The following NDC1 variants were observed in gnomAD, a reference collection of about 807,000 sequenced individuals.
NDC1 encodes the protein nucleoporin NDC1.
In NDC1, 24 loss-of-function variants were observed where a neutral mutation model predicts 89.8. The ratio of observed to expected loss-of-function variants is 0.27; its 90% CI spans 0.19 to 0.38. The LOEUF (loss-of-function observed/expected upper bound fraction) is 0.38, where lower values mean the gene tolerates loss of function less well. Ranked by LOEUF, NDC1 falls within the 10% of genes least tolerant of loss-of-function variation. NDC1 has a pLI of 1.00. For missense variants in NDC1, 728 were observed against 797.6 expected (o/e 0.91, Z 1.05); for synonymous variants, 296 against 284.8 (o/e 1.04, Z -0.39).
intron 14 of NDC1, 141 bp from the exon 15 acceptor site, chr1:53,789,337 A>G: frequency 1.7e-6 from 1 of 589,756 alleles, no homozygotes. Flanking sequence ...ATTCTTTTAT[A>G]TTTAACTTGA....
At chr1:53,793,877 T>C (rs1647606355) in intron 13 of NDC1, among the ~76,000 whole-genome samples, 1 of 152,016 alleles carries the variant, frequency 6.6e-6, no homozygotes, top group Admixed American at 6.6e-5. Flanking sequence ...AGACTGGAGA[T>C]ATTTTTCAAG....
chr1:53,834,857 C>G (rs540722078), intron 2 of NDC1, among the ~76,000 whole-genome samples: 8 of 152,252 alleles, frequency 5.3e-5, no homozygotes, highest in African/African-American at 1.9e-4. Context: ...CCTGTAATCC[C>G]AGCACTTCGG....
intron 16 of NDC1, 44 bp downstream of exon 16, chr1:53,787,114 G>A (rs1012821297): frequency 2.1e-6 from 2 of 973,306 alleles, no homozygotes; most frequent in Non-Finnish European, 3.2e-6. Flanking sequence ...CTGGGTGGGA[G>A]GGGAAGATGA....
chr1:53,806,066 T>C (rs1005067722), intron 9 of NDC1, among the ~76,000 whole-genome samples: 1 of 151,598 alleles, frequency 6.6e-6, no homozygotes, highest in Non-Finnish European at 1.5e-5. Flanking sequence ...AGAGCGAGAC[T>C]CCGTCTCAAA....
chr1:53,809,878 G>T, intron 6 of NDC1, 132 bp from the exon 7 acceptor site: 1 of 664,278 alleles, frequency 1.5e-6, no homozygotes, highest in Non-Finnish European at 2.7e-6. Flanking sequence ...GACTTATTAG[G>T]AATGAGTAGG....
intron 6 of NDC1, among the ~76,000 whole-genome samples, chr1:53,811,317 C>G (rs1648298981): frequency 6.6e-6 from 1 of 151,876 alleles, no homozygotes; most frequent in Non-Finnish European, 1.5e-5. Flanking sequence ...GTAGACTCCA[C>G]AGGTGGGGCA....
intron 3 of NDC1, among the ~76,000 whole-genome samples, chr1:53,829,084 A>G (rs1648968792): frequency 6.6e-6 from 1 of 152,216 alleles, no homozygotes; most frequent in African/African-American, 2.4e-5. Flanking sequence ...TCTGCAAATG[A>G]GCTAGGGAGG....
At chr1:53,826,203 A>C (rs567754408) in intron 4 of NDC1, among the ~76,000 whole-genome samples, 2 of 152,350 alleles carry the variant, frequency 1.3e-5, no homozygotes, top group Admixed American at 1.3e-4. Context: ...AATAACAAGC[A>C]GTATTGCTTA....
At chr1:53,832,192 C>A (rs1264922985) in intron 3 of NDC1, among the ~76,000 whole-genome samples, 1 of 152,140 alleles carries the variant, frequency 6.6e-6, no homozygotes, top group Non-Finnish European at 1.5e-5. Context: ...CAATTCTCCA[C>A]TCCCCCTCCC....
chr1:53,813,302 G>A (rs540067979), intron 6 of NDC1, among the ~76,000 whole-genome samples: 19 of 152,196 alleles, frequency 1.2e-4, no homozygotes, highest in Admixed American at 1.0e-3. Flanking sequence ...GAATGTAAAT[G>A]GCCTAAATCC....
intron 14 of NDC1, 128 bp from the exon 15 acceptor site, chr1:53,789,324 T>C (rs1444898938): frequency 1.8e-6 from 1 of 560,612 alleles, no homozygotes; most frequent in Non-Finnish European, 3.2e-6. Context: ...AAATTTAAAA[T>C]AAATTCTTTT....
chr1:53,790,936 T>C (rs1183495683), intron 14 of NDC1, among the ~76,000 whole-genome samples: 2 of 152,122 alleles, frequency 1.3e-5, no homozygotes, highest in Non-Finnish European at 2.9e-5. Context: ...GTATAATATG[T>C]TTTTGTTAAC....
chr1:53,833,028 A>G (rs1649115056), intron 2 of NDC1, among the ~76,000 whole-genome samples: 1 of 151,934 alleles, frequency 6.6e-6, no homozygotes, highest in Non-Finnish European at 1.5e-5. Flanking sequence ...AAAGGGGGGG[A>G]GAAAAAAGGA....
chr1:53,780,222 G>A (rs566552699), intron 16 of NDC1, among the ~76,000 whole-genome samples: 54 of 152,086 alleles, frequency 3.6e-4, no homozygotes, highest in African/African-American at 1.3e-3. Context: ...ACAAGCGTCC[G>A]CCACCACCCC....
intron 16 of NDC1, among the ~76,000 whole-genome samples, chr1:53,782,068 G>A (rs1278077385): frequency 1.3e-5 from 2 of 152,184 alleles, no homozygotes; most frequent in Non-Finnish European, 2.9e-5. Flanking sequence ...AAAGTGTTGA[G>A]GGGGGAGTTA....
chr1:53,769,000 A>C lies in NDC1; in HGVS notation c.1962-967T>G, dbSNP rs1010569156. 4.5e-4 allele frequency among the ~76,000 whole-genome samples: 68 copies of C among 152,160 alleles called. 2 individuals are homozygous for C. The highest frequency in any genetic ancestry group is 4.3e-3 in the Admixed American group (66 of 15,272). ...TATTAGTACTCCTGACTCTAGTAGC[A>C]ATCTCTGCCCCTCAAATAAATTTTG... is the stretch of plus-strand genomic sequence containing the variant. On this transcript the variant is annotated intron_variant, in intron 17 of 17. Coordinates refer to ENST00000371429, the MANE Select transcript of NDC1 (RefSeq NM_018087.5).
intron 6 of NDC1, among the ~76,000 whole-genome samples, chr1:53,814,625 AAAC>A (rs1457403585): frequency 6.6e-6 from 1 of 152,192 alleles, no homozygotes; most frequent in Non-Finnish European, 1.5e-5. Flanking sequence ...TTTGAAACAA[AAAC>A]AACAACAAAA....
rs749343618 is a variant in NDC1 at position 53,796,951 on chromosome 1, C to T, written c.1416G>A (p.Pro472=). ...IFDVNTCYGS[P]QSPQLIRRGP... The stretch of plus-strand genomic sequence containing the variant: ...CCCTTCTTATTAGCTGAGGACTTTG[C>T]GGTGACCCATAGCAGGTGTTTACAT... Residue 472 remains proline (P), a synonymous_variant, in exon 12 of 18, where the codon CCG becomes CCA. Coordinates refer to ENST00000371429, the MANE Select transcript of NDC1 (RefSeq NM_018087.5). The T allele has an allele frequency of 5.6e-5, 90 of 1,614,024 alleles. No homozygotes were observed. The highest frequency in any genetic ancestry group is 1.0e-4 in the Admixed American group (6 of 59,994).
In NDC1 at chr1:53,803,959, T is replaced by A; in HGVS notation, c.1035A>T (p.Arg345=). 1 of 1,614,098 alleles carries A rather than the reference T, an allele frequency of 6.2e-7. No homozygotes were observed. Among genetic ancestry groups the A allele is most frequent in the African/African-American group, 1.3e-5 (1 of 75,044 alleles). The change falls in exon 10 of 18, where the codon CGA becomes CGT. Residue 345 remains arginine, a synonymous_variant. Coordinates refer to ENST00000371429, the MANE Select transcript of NDC1 (RefSeq NM_018087.5). ...GGCTGAGGCTGAAAACTTCTTGTCT[T>A]CGTGAAGGAGAATATTGAGAAAGCA... is the stretch of plus-strand genomic sequence containing the variant. ...LMLLSQYSPS[R]RQEVFSLSQP...
Sources: allele counts gnomAD v4.1 joint callset (sites outside exome capture counted in the v4.1 genomes callset), GRCh38; gene constraint gnomAD v4.1.1; transcripts MANE v1.5; gene names NCBI Gene and HGNC (gene_info 2026-07-23, HGNC 2026-07-21).